NFATC3: variants seen among roughly 807,000 people sequenced by gnomAD.
NFATC3 encodes nuclear factor of activated T cells 3, also known as nuclear factor of activated T-cells, cytoplasmic 3.
Under a neutral mutation model 98.6 loss-of-function variants are expected in NFATC3, and 46 were observed. The observed-to-expected ratio is 0.47, with a 90% CI of 0.37 to 0.60. NFATC3 has a LOEUF of 0.60. Ranked by LOEUF, NFATC3 falls within the 20% of genes least tolerant of loss-of-function variation. The probability of loss-of-function intolerance (pLI) is 0.00; values close to 1 mark genes in which losing one functional copy is unlikely to be tolerated. For synonymous variants in NFATC3, 512 were observed against 472.2 expected, an observed-to-expected ratio of 1.08 and a Z score of -1.09; for missense variants, 1,256 against 1,295.5, an observed-to-expected ratio of 0.97 and a Z score of 0.47.
chr16:68,209,375 AAG>A (rs1252148573), intron 9 of NFATC3: 1 of 156,232 alleles, frequency 6.4e-6, no homozygotes, highest in Non-Finnish European at 1.4e-5. Context: ...CTCAAAGAAA[AAG>A]AGTTCTTTCC....
rs777579484 is a variant in NFATC3, at chr16:68,190,947, A to C, written c.2278A>C (p.Thr760Pro). 33 of 1,614,074 alleles carry C rather than the reference A, an allele frequency of 2.0e-5. No individual in the cohort carries two copies. The highest frequency in any genetic ancestry group is 1.7e-5 in the Non-Finnish European group (20 of 1,180,046). ...SIPQTYASMV[T>P]SSHLPQLQCR... ...CCCACAAACATATGCATCCATGGTG[A>C]CCTCATCCCATCTGCCACAGTTGCA... Residue 760 changes from threonine (T) to proline (P), a missense_variant, in exon 9 of 10, where the codon ACC becomes CCC. This residue lies in a region of NFATC3 where 636 missense variants were observed against 617.3 expected (regional missense o/e 1.03). Coordinates refer to ENST00000346183, the MANE Select transcript of NFATC3 (RefSeq NM_173165.3).
intron 1 of NFATC3, among the ~76,000 whole-genome samples, chr16:68,120,572 G>GAAAA (rs1196341717): frequency 1.2e-5 from 1 of 83,634 alleles, no homozygotes; most frequent in East Asian, 3.8e-4. Flanking sequence ...CTCTGTCTCA[G>GAAAA]AAAAAAAAAA....
intron 9 of NFATC3, among the ~76,000 whole-genome samples, chr16:68,207,259 G>A (rs193021934): frequency 8.6e-5 from 13 of 150,922 alleles, no homozygotes; most frequent in African/African-American, 3.2e-4. Context: ...GCAGTGAGCC[G>A]AGACCATGCC....
intron 2 of NFATC3, among the ~76,000 whole-genome samples, chr16:68,123,679 A>G (rs2036669219): frequency 6.6e-6 from 1 of 151,758 alleles, no homozygotes; most frequent in African/African-American, 2.4e-5. Flanking sequence ...TACAACTTGG[A>G]TTATAATATG....
At chr16:68,137,620 T>G (rs1001212226) in intron 3 of NFATC3, among the ~76,000 whole-genome samples, 3 of 146,630 alleles carry the variant, frequency 2.0e-5, no homozygotes, top group African/African-American at 7.4e-5. Context: ...TTTTCCTTCT[T>G]TTTTTTTTTT....
At position 68,183,326 on chromosome 16, in the gene NFATC3, G is replaced by T. The variant is rs753136816; in HGVS notation, c.2058G>T (p.Lys686Asn). Residue 686 changes from lysine to asparagine, a missense_variant, in exon 8 of 10, where the codon AAG (lysine) becomes AAT (asparagine). Physicochemically the swap from Lys to Asn is moderately conservative, Grantham distance 94 (BLOSUM62 0). This residue lies in a region of NFATC3 where 636 missense variants were observed against 617.3 expected (regional missense o/e 1.03). Transcript: ENST00000346183. ...VQVHFYLCNGKRKKSQSQRFT... is the reference protein window; with the variant it reads ...VQVHFYLCNGNRKKSQSQRFT... The stretch of plus-strand genomic sequence containing the variant: ...TGCACTTTTATCTTTGCAATGGCAA[G>T]AGGAAAAAAAGCCAGTCTCAACGTT... The T allele has an allele frequency of 4.3e-6, 7 of 1,613,570 alleles. No homozygotes were observed. The South Asian group carries it at 7.7e-5, about 18-fold the overall frequency.
chr16:68,179,017 C>T (rs948613431), intron 6 of NFATC3, among the ~76,000 whole-genome samples: 11 of 152,176 alleles, frequency 7.2e-5, no homozygotes, highest in African/African-American at 2.4e-4. Context: ...CTCCTTGCCT[C>T]ATACTTTATA....
rs889136336 is a variant in NFATC3 at position 68,177,696 on chromosome 16, T to G, written c.1915+3182T>G. Among the ~76,000 whole-genome samples the G allele has an allele frequency of 3.3e-5, 5 of 152,156 alleles. No homozygotes were observed. The South Asian group carries it at 1.0e-3, about 32-fold the overall frequency. On this transcript the variant is annotated intron_variant, in intron 6 of 9. Coordinates refer to ENST00000346183, the MANE Select transcript of NFATC3 (RefSeq NM_173165.3). Reference sequence around the variant, plus strand: ...ATACGGTGCCCCCATCACCTCTCTTTTATAATTTCTCTATCTTTTTCTACT... The same window carrying G: ...ATACGGTGCCCCCATCACCTCTCTTGTATAATTTCTCTATCTTTTTCTACT...
At chr16:68,140,023 G>A (rs1385985823) in intron 3 of NFATC3, among the ~76,000 whole-genome samples, 3 of 152,052 alleles carry the variant, frequency 2.0e-5, no homozygotes, top group Non-Finnish European at 4.4e-5. Context: ...TTGAGACAGA[G>A]TCTCATTCTG....
At chr16:68,105,237 C>T (rs1238136599) in intron 1 of NFATC3, among the ~76,000 whole-genome samples, 1 of 151,392 alleles carries the variant, frequency 6.6e-6, no homozygotes. Context: ...ATTACAGGCG[C>T]CTGCCACCAT....
chr16:68,192,622 G>A (rs975391117), intron 9 of NFATC3, among the ~76,000 whole-genome samples: 1 of 152,108 alleles, frequency 6.6e-6, no homozygotes, highest in Non-Finnish European at 1.5e-5. Flanking sequence ...ACTTTGGAAG[G>A]CTGAGGCGGG....
rs1453200826 is a variant in NFATC3 at position 68,228,251 on chromosome 16, A to G, written c.*1780A>G. ...GCTGGGTGTTTTCAAATTTTCTTGA[A>G]AAGTGAGTTGTGTCACAGAATGTGG... On this transcript the variant is annotated 3_prime_UTR_variant, in exon 10 of 10. Coordinates refer to ENST00000346183, the MANE Select transcript of NFATC3 (RefSeq NM_173165.3). The G allele has an allele frequency of 6.6e-6, 1 of 152,234 alleles. No individual in the cohort carries two copies. Among genetic ancestry groups the G allele is most frequent in the Non-Finnish European group, 1.5e-5 (1 of 68,046 alleles). The allele number at this position is 152,234 out of a possible 1,614,324, so 9.4% of individuals were successfully genotyped here. A position where few individuals can be genotyped will look rare whatever the true frequency, so the allele number is the denominator to read the frequency against.
intron 9 of NFATC3, chr16:68,200,666 A>G (rs929060950): frequency 6.6e-6 from 1 of 152,112 alleles, no homozygotes; most frequent in Non-Finnish European, 1.5e-5. Context: ...TACTCAAACA[A>G]TTAAGGCATA....
In NFATC3 at chr16:68,122,356, G is replaced by A. The variant is rs1567508538; in HGVS notation, c.473G>A (p.Arg158Gln). The change falls in exon 2 of 10, where the codon CGG (arginine) becomes CAG (glutamine). Residue 158 changes from arginine to glutamine, a missense_variant. By Grantham distance (43) the Arg-to-Gln change is conservative. This residue lies in a region of NFATC3 where 464 missense variants were observed against 465.7 expected (regional missense o/e 1.00). Coordinates refer to ENST00000346183, the MANE Select transcript of NFATC3 (RefSeq NM_173165.3). ...TATCTTCCTCTTGAGCCATCCTACC[G>A]GGAGTCTTCTCTTAGTCCTAGTCCT... The part of the protein sequence containing the change: ...HLYLPLEPSY[R>Q]ESSLSPSPAS... The A allele has an allele frequency of 2.5e-6, 4 of 1,613,938 alleles. No individual in the cohort carries two copies. The highest frequency in any genetic ancestry group is 1.3e-5 in the African/African-American group (1 of 74,880).
chr16:68,220,396 A>G (rs1268501105), intron 9 of NFATC3, among the ~76,000 whole-genome samples: 3 of 152,116 alleles, frequency 2.0e-5, no homozygotes, highest in Non-Finnish European at 4.4e-5. Context: ...GGGAGGCAGC[A>G]GTTGCAGTGA....
At chr16:68,187,362 A>G (rs2040246553) in intron 8 of NFATC3, among the ~76,000 whole-genome samples, 1 of 152,212 alleles carries the variant, frequency 6.6e-6, no homozygotes, top group African/African-American at 2.4e-5. Flanking sequence ...GTTGCTGCCA[A>G]CATAGCGAGC....
In NFATC3 at chr16:68,126,350, T is replaced by G. The variant is rs1222955683; in HGVS notation, c.1239-98T>G. ...ATTTTGTAATACATTGTTTCAAAGA[T>G]CAAAGGAAGAAATGTTGGTGCTGGC... On this transcript the variant is annotated intron_variant, in intron 2 of 9. Coordinates refer to ENST00000346183, the MANE Select transcript of NFATC3 (RefSeq NM_173165.3). 4 of 1,160,184 alleles carry G rather than the reference T, an allele frequency of 3.4e-6. No individual in the cohort carries two copies. In the African/African-American group the frequency reaches 4.6e-5, roughly 13 times the overall value. 71.9% of individuals were successfully genotyped at this position (1,160,184 alleles called of 1,614,324 possible).
chr16:68,153,807 G>GT (rs1238710666), intron 3 of NFATC3, among the ~76,000 whole-genome samples: 1 of 151,958 alleles, frequency 6.6e-6, no homozygotes, highest in Non-Finnish European at 1.5e-5. Context: ...TAGAGATGGA[G>GT]TTTCACCGTG....
Position 68,085,615 on chromosome 16 carries a change from G to C in NFATC3, c.-67G>C, listed in dbSNP as rs2034320041. ...CGGCATGAAGCGGCGTTGAGGAGCT[G>C]CTGCCGCCGCTTGCCGCTGCCGCCG... On this transcript the variant is annotated 5_prime_UTR_variant, in exon 1 of 10. Transcript: ENST00000346183. 1.4e-6 allele frequency: 2 copies of C among 1,388,728 alleles called. No individual in the cohort carries two copies. Among genetic ancestry groups the C allele is most frequent in the African/African-American group, 3.0e-5 (2 of 65,720 alleles). The allele number at this position is 1,388,728 out of a possible 1,614,324, so 86.0% of individuals were successfully genotyped here. A position where few individuals can be genotyped will look rare whatever the true frequency, so the allele number is the denominator to read the frequency against.
Sources: allele counts gnomAD v4.1 joint callset (sites outside exome capture counted in the v4.1 genomes callset), GRCh38; gene constraint gnomAD v4.1.1; regional missense constraint gnomAD v4.1.1; transcripts MANE v1.5; gene names NCBI Gene and HGNC (gene_info 2026-07-23, HGNC 2026-07-21).